IQCM: variants seen among roughly 807,000 people sequenced by gnomAD.
IQCM encodes IQ motif containing M.
Under a neutral mutation model 57.6 loss-of-function variants are expected in IQCM, and 45 were observed. That is an observed-to-expected ratio of 0.78 (90% confidence interval 0.62 to 1.00). IQCM has a LOEUF of 1.00. IQCM is among the 50% of genes least tolerant of loss of function. The pLI, the probability that IQCM is intolerant of heterozygous loss-of-function variation, is 0.00. For synonymous variants in IQCM, 148 were observed against 158.9 expected (o/e 0.93, Z 0.51); for missense variants, 468 against 511.6 (o/e 0.91, Z 0.82).
intron 12 of IQCM, among the ~76,000 whole-genome samples, chr4:149,461,637 G>A (rs1448379075): frequency 7.2e-6 from 1 of 138,978 alleles, no homozygotes; most frequent in Admixed American, 7.5e-5. Flanking sequence ...CTGGACAACA[G>A]AGCAAGACCC....
chr4:149,510,808 T>C (rs1246391200), intron 12 of IQCM, among the ~76,000 whole-genome samples: 2 of 152,162 alleles, frequency 1.3e-5, no homozygotes, highest in Non-Finnish European at 2.9e-5. Context: ...TGTCATAGAG[T>C]GCCCTTCTCA....
intron 12 of IQCM, among the ~76,000 whole-genome samples, chr4:149,485,425 A>T (rs1235499735): frequency 6.6e-6 from 1 of 151,086 alleles, no homozygotes; most frequent in Non-Finnish European, 1.5e-5. Flanking sequence ...GTCTCCTCTG[A>T]CTGTGTATTT....
chr4:149,453,800 A>G (rs570316319), intron 12 of IQCM, among the ~76,000 whole-genome samples: 1 of 151,902 alleles, frequency 6.6e-6, no homozygotes, highest in Non-Finnish European at 1.5e-5. Flanking sequence ...ACTTTGCATA[A>G]GAGTTTGTCG....
intron 8 of IQCM, among the ~76,000 whole-genome samples, chr4:149,607,020 T>C (rs1754845380): frequency 1.3e-5 from 2 of 152,114 alleles, no homozygotes; most frequent in East Asian, 3.9e-4. Context: ...CAGAGAACTT[T>C]CCAAATCCAG....
chr4:149,357,326 T>C (rs1729076009), intron 13 of IQCM, among the ~76,000 whole-genome samples: 1 of 152,210 alleles, frequency 6.6e-6, no homozygotes, highest in Non-Finnish European at 1.5e-5. Context: ...CTTGTGCCAG[T>C]TTTCAAAGGA....
chr4:149,623,705 G>A (rs560972674), intron 7 of IQCM, among the ~76,000 whole-genome samples: 2 of 151,414 alleles, frequency 1.3e-5, no homozygotes, highest in African/African-American at 4.9e-5. Context: ...AGAAATAAAG[G>A]TTCTGAATCC....
At chr4:149,763,549 A>C (rs1043089292) in intron 2 of IQCM, among the ~76,000 whole-genome samples, 2 of 152,152 alleles carry the variant, frequency 1.3e-5, no homozygotes, top group African/African-American at 2.4e-5. Context: ...AAGCCCCCAG[A>C]GTATGACTGT....
At chr4:149,663,040 CCTTTCT>C (rs1294476761) in intron 7 of IQCM, among the ~76,000 whole-genome samples, 2 of 151,786 alleles carry the variant, frequency 1.3e-5, no homozygotes, top group African/African-American at 2.4e-5. Flanking sequence ...GGCTTTGTTT[CCTTTCT>C]CTTTCTCTTT....
At chr4:149,488,506 A>C (rs1221170802) in intron 12 of IQCM, among the ~76,000 whole-genome samples, 1 of 152,182 alleles carries the variant, frequency 6.6e-6, no homozygotes, top group Non-Finnish European at 1.5e-5. Flanking sequence ...AAACATAAAT[A>C]CATTATGTAA....
chr4:149,358,383 A>G (rs908942259), intron 13 of IQCM, among the ~76,000 whole-genome samples: 2 of 152,140 alleles, frequency 1.3e-5, no homozygotes, highest in Non-Finnish European at 2.9e-5. Flanking sequence ...GTGGGCATTT[A>G]GCGCTATAAA....
chr4:149,451,327 A>G (rs968711242), intron 12 of IQCM, among the ~76,000 whole-genome samples: 6 of 151,884 alleles, frequency 4.0e-5, no homozygotes, highest in Admixed American at 2.0e-4. Context: ...TAAAATAACT[A>G]AAAGTGTATA....
intron 12 of IQCM, among the ~76,000 whole-genome samples, chr4:149,477,558 G>A (rs950800131): frequency 6.6e-6 from 1 of 152,180 alleles, no homozygotes; most frequent in African/African-American, 2.4e-5. Context: ...TTACTGTCCG[G>A]TGGGGGCTGG....
chr4:149,568,347 A>G (rs1561001799), intron 9 of IQCM, among the ~76,000 whole-genome samples: 1 of 152,178 alleles, frequency 6.6e-6, no homozygotes, highest in Non-Finnish European at 1.5e-5. Context: ...GACAAGACTC[A>G]TGATCCTTGA....
At chr4:149,701,347 T>C (rs1763754821) in intron 5 of IQCM, among the ~76,000 whole-genome samples, 1 of 152,020 alleles carries the variant, frequency 6.6e-6, no homozygotes, top group Non-Finnish European at 1.5e-5. Flanking sequence ...AACCATTTAG[T>C]AACCTTGACA....
chr4:149,520,799 A>T (rs1745559476), intron 12 of IQCM, among the ~76,000 whole-genome samples: 1 of 152,108 alleles, frequency 6.6e-6, no homozygotes, highest in African/African-American at 2.4e-5. Flanking sequence ...TCTCCAGAAG[A>T]TATACCACAT....
chr4:149,701,016 G>A (rs985638753), intron 5 of IQCM, among the ~76,000 whole-genome samples: 78 of 152,020 alleles, frequency 5.1e-4, no homozygotes, highest in African/African-American at 1.7e-3. Context: ...GAGAATATAG[G>A]AGACTTAGTC....
rs181797182 is a variant in IQCM at position 149,646,851 on chromosome 4, G to A, written c.566-25607C>T. 2.6e-5 allele frequency among the ~76,000 whole-genome samples: 4 copies of A among 152,248 alleles called. No homozygotes were observed. In the East Asian group the frequency reaches 7.8e-4, roughly 30 times the overall value. ...ATACAAAAATTAGCTGGGTGTGGTG[G>A]CAGGCGCCTGTAATCTCAGCTACTC... On this transcript the variant is annotated intron_variant, in intron 7 of 13. Transcript: ENST00000636793.
chr4:149,696,166 T>C (rs190650602), intron 5 of IQCM, among the ~76,000 whole-genome samples: 4 of 152,270 alleles, frequency 2.6e-5, no homozygotes, highest in Middle Eastern at 3.4e-3. Context: ...CCTTGTACAG[T>C]GGTTGCTCTG....
At chr4:149,535,363 C>T (rs1747184796) in intron 12 of IQCM, among the ~76,000 whole-genome samples, 1 of 151,940 alleles carries the variant, frequency 6.6e-6, no homozygotes. Context: ...GTATCAGAGA[C>T]TTGTATGGCT....
Sources: gnomAD v4.1 joint callset for allele counts (sites outside exome capture counted in the v4.1 genomes callset) on GRCh38, gnomAD v4.1.1 for gene constraint, MANE v1.5 for transcripts, NCBI Gene and HGNC (gene_info 2026-07-23, HGNC 2026-07-21) for gene names.